OSBPL9: variants seen among roughly 807,000 people sequenced by gnomAD.
OSBPL9 encodes the protein oxysterol-binding protein-related protein 9.
Under a neutral mutation model 106.6 loss-of-function variants are expected in OSBPL9, and 40 were observed. The ratio of observed to expected loss-of-function variants is 0.38; its 90% CI spans 0.29 to 0.49. OSBPL9 has a LOEUF of 0.49. Among genes scored for constraint, OSBPL9 ranks in the 20% least tolerant of loss-of-function variants. OSBPL9 has a pLI of 0.97. For missense variants in OSBPL9, 609 were observed against 887.2 expected, an observed-to-expected ratio of 0.69 and a Z score of 3.98; for synonymous variants, 269 against 295.4, an observed-to-expected ratio of 0.91 and a Z score of 0.92.
At chr1:51,545,817 G>C in the OSBPL9 span, among the ~76,000 whole-genome samples, 2 of 152,078 alleles carry the variant, frequency 1.3e-5, no homozygotes, top group Non-Finnish European at 2.9e-5. Context: ...TATAGCTGAA[G>C]ACTTTAACAT....
intron 17 of OSBPL9, 21 bp from the exon 18 acceptor site, chr1:51,783,893 CT>C (rs772814228): frequency 1.3e-6 from 2 of 1,539,198 alleles, no homozygotes; most frequent in Non-Finnish European, 1.8e-6. Flanking sequence ...ATATAATCTA[CT>C]AATTGAAAAT....
chr1:51,543,098 C>A, the OSBPL9 span, among the ~76,000 whole-genome samples: 1 of 152,136 alleles, frequency 6.6e-6, no homozygotes, highest in Non-Finnish European at 1.5e-5. Context: ...GGCAAGGATT[C>A]CTGGTCCAAA....
intron 4 of OSBPL9, among the ~76,000 whole-genome samples, chr1:51,728,777 C>T (rs1027014360): frequency 2.0e-5 from 3 of 152,158 alleles, no homozygotes; most frequent in African/African-American, 4.8e-5. Flanking sequence ...TCCCAGCCTC[C>T]GCCTCCCAAA....
rs188437510 is a variant in OSBPL9 at position 51,701,252 on chromosome 1, T to C, written c.242-12751T>C. Among the ~76,000 whole-genome samples the C allele has an allele frequency of 2.9e-4, 44 of 152,360 alleles. No homozygotes were observed. The East Asian group carries it at 8.1e-3, about 28-fold the overall frequency. On this transcript the variant is annotated intron_variant, in intron 3 of 23. Coordinates refer to ENST00000428468, the MANE Select transcript of OSBPL9 (RefSeq NM_024586.6). ...ACCGCGCCCGGCCCATTGTAATTCT[T>C]CTAAAGGAAGAGATGTCTCATCTCC... is the stretch of plus-strand genomic sequence containing the variant.
chr1:51,676,290 G>T (rs556299631), intron 3 of OSBPL9, among the ~76,000 whole-genome samples: 11 of 151,858 alleles, frequency 7.2e-5, no homozygotes, highest in African/African-American at 1.2e-4. Context: ...AATTAGCCAG[G>T]GATGGTGGTG....
chr1:51,606,409 G>A (rs1188422741), intron 2 of OSBPL9, among the ~76,000 whole-genome samples: 2 of 152,196 alleles, frequency 1.3e-5, no homozygotes, highest in Non-Finnish European at 2.9e-5. Context: ...CACTTGCTTG[G>A]AAAAATGTAG....
intron 2 of OSBPL9, among the ~76,000 whole-genome samples, chr1:51,600,310 C>T (rs1329032190): frequency 1.3e-5 from 2 of 152,140 alleles, no homozygotes; most frequent in African/African-American, 2.4e-5. Flanking sequence ...AGATGTCAGG[C>T]TTAGAGGGTA....
intron 22 of OSBPL9, among the ~76,000 whole-genome samples, chr1:51,787,035 CTGAT>C (rs752724776): frequency 2.0e-5 from 3 of 152,188 alleles, no homozygotes; most frequent in Non-Finnish European, 4.4e-5. Flanking sequence ...CAGAGGTAAA[CTGAT>C]TGACCCAGAG....
chr1:51,627,904 C>T lies in OSBPL9; in HGVS notation c.111+10683C>T, dbSNP rs377487291. Among the ~76,000 whole-genome samples the T allele has an allele frequency of 3.3e-5, 5 of 152,090 alleles. No individual in the cohort carries two copies. The South Asian group carries it at 1.0e-3, about 32-fold the overall frequency. Reference sequence around the variant, plus strand: ...GCTTTGTTGCTAAACCCAATGGGTGCTTTTTTCGCTCTTAATCTTAGCACT... The same window carrying T: ...GCTTTGTTGCTAAACCCAATGGGTGTTTTTTTCGCTCTTAATCTTAGCACT... On this transcript the variant is annotated intron_variant, in intron 1 of 23. Transcript: ENST00000428468.
At chr1:51,758,441 C>T (rs80006361) in intron 9 of OSBPL9, among the ~76,000 whole-genome samples, 7 of 141,936 alleles carry the variant, frequency 4.9e-5, no homozygotes, top group Admixed American at 3.5e-4. Flanking sequence ...AAAAAAAAAC[C>T]TGGTCTATTT....
intron 2 of OSBPL9, among the ~76,000 whole-genome samples, chr1:51,611,394 G>A (rs1306066514): frequency 6.6e-6 from 1 of 152,140 alleles, no homozygotes; most frequent in East Asian, 1.9e-4. Flanking sequence ...AAACAACACT[G>A]TAGGAATGTT....
At chr1:51,519,282 C>G in the OSBPL9 span, 18 of 463,412 alleles carry the variant, frequency 3.9e-5, no homozygotes, top group East Asian at 1.8e-4. Flanking sequence ...GACTGGGGCT[C>G]GGGGCGGGGA....
the OSBPL9 span, among the ~76,000 whole-genome samples, chr1:51,531,690 G>A: frequency 3.3e-5 from 5 of 152,294 alleles, no homozygotes; most frequent in South Asian, 4.1e-4. Flanking sequence ...TCAAGGATGC[G>A]GTTGGAATAA....
chr1:51,564,047 C>A, the OSBPL9 span, among the ~76,000 whole-genome samples: 2 of 834 alleles, frequency 2.4e-3, no homozygotes, highest in African/African-American at 3.6e-3. Flanking sequence ...AGAGCGAGAT[C>A]ATCTCAAAAA....
At chr1:51,733,401 CT>C (rs953511921) in intron 4 of OSBPL9, among the ~76,000 whole-genome samples, 1 of 152,156 alleles carries the variant, frequency 6.6e-6, no homozygotes, top group Non-Finnish European at 1.5e-5. Flanking sequence ...GTTAAAAATG[CT>C]TCCTAGGTCA....
chr1:51,772,198 T>C lies in OSBPL9; in HGVS notation c.1051+16T>C. The C allele has an allele frequency of 6.3e-7, 1 of 1,588,744 alleles. No homozygotes were observed. The highest frequency in any genetic ancestry group is 8.6e-7 in the Non-Finnish European group (1 of 1,161,762). On this transcript the variant is annotated intron_variant, in intron 13 of 23. Coordinates refer to ENST00000428468, the MANE Select transcript of OSBPL9 (RefSeq NM_024586.6). The stretch of plus-strand genomic sequence containing the variant: ...AGTGATGCTGGTAAGTGACCTTTGA[T>C]AATTTAACTTTTTTTTCTTTAAAAA...
At chr1:51,549,151 T>G in the OSBPL9 span, among the ~76,000 whole-genome samples, 13 of 152,150 alleles carry the variant, frequency 8.5e-5, no homozygotes, top group Admixed American at 3.9e-4. Flanking sequence ...AGGAAGAAGT[T>G]CTCACTGCTG....
chr1:51,752,461 A>G (rs1316018617), intron 8 of OSBPL9: 1 of 453,152 alleles, frequency 2.2e-6, no homozygotes, highest in Admixed American at 2.4e-5. Context: ...AGTTTACACG[A>G]TATATTTGTT....
At chr1:51,618,730 G>A (rs1241656096) in intron 1 of OSBPL9, among the ~76,000 whole-genome samples, 1 of 152,148 alleles carries the variant, frequency 6.6e-6, no homozygotes, top group African/African-American at 2.4e-5. Context: ...TAATAACTCT[G>A]CAAGGTGGTT....
Sources: gnomAD v4.1 joint callset for allele counts (sites outside exome capture counted in the v4.1 genomes callset) on GRCh38, gnomAD v4.1.1 for gene constraint, MANE v1.5 for transcripts, NCBI Gene and HGNC (gene_info 2026-07-23, HGNC 2026-07-21) for gene names.